Variants in JPH3 observed in about 807,000 individuals in gnomAD.
JPH3 encodes junctophilin 3.
Under a neutral mutation model 59.6 loss-of-function variants are expected in JPH3, and 11 were observed. The ratio of observed to expected loss-of-function variants is 0.18; its 90% CI spans 0.12 to 0.31. JPH3 has a LOEUF of 0.31. Among genes scored for constraint, JPH3 ranks in the 10% least tolerant of loss-of-function variants. The probability of loss-of-function intolerance (pLI) is 1.00; values close to 1 mark genes in which losing one functional copy is unlikely to be tolerated. For missense variants in JPH3, 1,202 were observed against 1,105.7 expected (o/e 1.09, Z -1.24); for synonymous variants, 673 against 483.6 (o/e 1.39, Z -5.14).
At chr16:87,696,518 G>T (rs997123399) in intron 4 of JPH3, 62 bp from the exon 5 acceptor site, 2 of 1,391,804 alleles carry the variant, frequency 1.4e-6, no homozygotes, top group East Asian at 2.3e-5. Context: ...GGTGGGAGGC[G>T]TGGTGGCCCA....
At chr16:87,677,021 T>G (rs1251532158) in intron 2 of JPH3, among the ~76,000 whole-genome samples, 1 of 151,302 alleles carries the variant, frequency 6.6e-6, no homozygotes, top group Non-Finnish European at 1.5e-5. Flanking sequence ...TAGCCGGGCG[T>G]GGTGGCGGGC....
intron 2 of JPH3, among the ~76,000 whole-genome samples, chr16:87,661,624 T>G (rs1015318035): frequency 3.3e-5 from 5 of 152,174 alleles, no homozygotes; most frequent in African/African-American, 1.2e-4. Context: ...CACACCCCAC[T>G]TTATCCGGAA....
At chr16:87,624,900 A>C (rs1340410246) in intron 1 of JPH3, among the ~76,000 whole-genome samples, 1 of 152,206 alleles carries the variant, frequency 6.6e-6, no homozygotes, top group Non-Finnish European at 1.5e-5. Flanking sequence ...CTCGGGTTCA[A>C]GGGATTCTCC....
Position 87,626,947 on chromosome 16 carries a change from C to T in JPH3, c.383-17311C>T, listed in dbSNP as rs146457859. Among the ~76,000 whole-genome samples, 343 of 152,224 alleles carry T rather than the reference C, an allele frequency of 2.3e-3. 2 individuals are homozygous for T. The highest frequency in any genetic ancestry group is 8.0e-3 in the African/African-American group (334 of 41,524). On this transcript the variant is annotated intron_variant, in intron 1 of 4. Coordinates refer to ENST00000284262, the MANE Select transcript of JPH3 (RefSeq NM_020655.4). The stretch of plus-strand genomic sequence containing the variant: ...CTTGAGGCCAGGAGTTCAAGACCAG[C>T]CTGGACAACATAGTGAAGCCCCATC...
chr16:87,659,382 A>AAAAAAAAAAAAC (rs2032623591), intron 2 of JPH3, among the ~76,000 whole-genome samples: 1 of 131,556 alleles, frequency 7.6e-6, no homozygotes, highest in African/African-American at 2.7e-5. Context: ...CTCAAAAAAA[A>AAAAAAAAAAAAC]AAAAGAAAAA....
chr16:87,652,492 C>G (rs577838532), intron 2 of JPH3, among the ~76,000 whole-genome samples: 50 of 152,264 alleles, frequency 3.3e-4, no homozygotes, highest in South Asian at 8.3e-4. Flanking sequence ...GTGACAGGGT[C>G]TTACTCTGCC....
Position 87,653,442 on chromosome 16 carries a change from C to T in JPH3, c.1160+8407C>T, listed in dbSNP as rs565589358. 4.6e-5 allele frequency: 7 copies of T among 152,276 alleles called. No homozygotes were observed. In the East Asian group the frequency reaches 1.4e-3, roughly 29 times the overall value. The allele number at this position is 152,276 out of a possible 1,614,324, so 9.4% of individuals were successfully genotyped here. A position where few individuals can be genotyped will look rare whatever the true frequency, so the allele number is the denominator to read the frequency against. On this transcript the variant is annotated intron_variant, in intron 2 of 4. Transcript: ENST00000284262. Reference sequence around the variant, plus strand: ...GGTGGAGGGAGGCCCAGCAGGAAGCCCCACAGGTAGGCCCCAGTGAGGGTG... The same window carrying T: ...GGTGGAGGGAGGCCCAGCAGGAAGCTCCACAGGTAGGCCCCAGTGAGGGTG...
intron 1 of JPH3, among the ~76,000 whole-genome samples, chr16:87,637,841 G>T (rs1178326369): frequency 1.3e-5 from 2 of 152,264 alleles, no homozygotes; most frequent in South Asian, 2.1e-4. Context: ...CCAGTTGGGG[G>T]TGTGACCAGC....
intron 1 of JPH3, among the ~76,000 whole-genome samples, chr16:87,612,525 G>A (rs908935010): frequency 1.3e-5 from 2 of 152,184 alleles, no homozygotes; most frequent in Non-Finnish European, 2.9e-5. Flanking sequence ...TGGAGCGTCT[G>A]TAGCTGGACA....
At chr16:87,615,673 C>T (rs2150825473) in intron 1 of JPH3, among the ~76,000 whole-genome samples, 1 of 152,310 alleles carries the variant, frequency 6.6e-6, no homozygotes, top group Non-Finnish European at 1.5e-5. Context: ...ACCCGGCCTC[C>T]CTGACCCGGG....
In JPH3 at chr16:87,690,328, G is replaced by C; in HGVS notation, c.1968G>C (p.Arg656=). 6.3e-7 allele frequency: 1 copy of C among 1,588,238 alleles called. No homozygotes were observed. Among genetic ancestry groups the C allele is most frequent in the Non-Finnish European group, 8.6e-7 (1 of 1,168,380 alleles). The change falls in exon 4 of 5, where the codon CGG becomes CGC. Residue 656 remains arginine (R), a synonymous_variant. Coordinates refer to ENST00000284262, the MANE Select transcript of JPH3 (RefSeq NM_020655.4). ...EDRGFGVQRL[R]SKAQNKENFR... is the part of the protein sequence containing the mutation. ...GGGGCTTCGGGGTGCAGAGACTGCG[G>C]TCCAAGGCCCAGAACAAGGAGAACT...
At chr16:87,666,146 C>T (rs1452495162) in intron 2 of JPH3, among the ~76,000 whole-genome samples, 2 of 147,160 alleles carry the variant, frequency 1.4e-5, no homozygotes, top group East Asian at 2.0e-4. Flanking sequence ...TGGAGTGCAG[C>T]GGCATGGTCT....
chr16:87,631,048 G>T (rs1003115829), intron 1 of JPH3, among the ~76,000 whole-genome samples: 4 of 152,076 alleles, frequency 2.6e-5, no homozygotes, highest in African/African-American at 9.7e-5. Flanking sequence ...TTAAATCACT[G>T]GTTCTTTTTT....
At chr16:87,657,811 G>A (rs566746753) in intron 2 of JPH3, among the ~76,000 whole-genome samples, 8 of 152,278 alleles carry the variant, frequency 5.3e-5, no homozygotes, top group East Asian at 1.9e-4. Flanking sequence ...GCCAAAACTC[G>A]GTTACGTGAC....
At chr16:87,648,649 G>C (rs544197755) in intron 2 of JPH3, among the ~76,000 whole-genome samples, 1 of 152,262 alleles carries the variant, frequency 6.6e-6, no homozygotes, top group East Asian at 1.9e-4. Context: ...TAAGGGGACT[G>C]GCCCCGGCCC....
intron 2 of JPH3, 25 bp from the exon 3 acceptor site, chr16:87,684,116 CT>C (rs780381326): frequency 6.9e-6 from 11 of 1,603,226 alleles, no homozygotes; most frequent in Admixed American, 1.7e-5. Flanking sequence ...CCTGCCCCCC[CT>C]CACGCTCCTC....
intron 2 of JPH3, among the ~76,000 whole-genome samples, chr16:87,661,850 C>T (rs1252085685): frequency 1.3e-5 from 2 of 152,216 alleles, no homozygotes; most frequent in Admixed American, 6.5e-5. Context: ...AATTACGAAG[C>T]CAGGGCCTTG....
chr16:87,682,553 G>A (rs2033321482), intron 2 of JPH3, among the ~76,000 whole-genome samples: 1 of 152,186 alleles, frequency 6.6e-6, no homozygotes, highest in Non-Finnish European at 1.5e-5. Context: ...CCAGCAGGAA[G>A]GTGCTGTCCA....
At chr16:87,620,617 A>G (rs1270791657) in intron 1 of JPH3, among the ~76,000 whole-genome samples, 1 of 152,060 alleles carries the variant, frequency 6.6e-6, no homozygotes, top group African/African-American at 2.4e-5. Context: ...CCTCCCTTCC[A>G]GGTTTTGATG....
Sources: gnomAD v4.1 joint callset for allele counts (sites outside exome capture counted in the v4.1 genomes callset) on GRCh38, gnomAD v4.1.1 for gene constraint, MANE v1.5 for transcripts, NCBI Gene and HGNC (gene_info 2026-07-23, HGNC 2026-07-21) for gene names.